The following SMAD2 variants were observed in gnomAD, a reference collection of about 807,000 sequenced individuals.
SMAD2 encodes the protein SMAD family member 2, also known as MAD homolog 2.
In SMAD2, 8 loss-of-function variants were observed where a neutral mutation model predicts 64.4. The ratio of observed to expected loss-of-function variants is 0.12; its 90% confidence interval spans 0.07 to 0.22. The LOEUF (loss-of-function observed/expected upper bound fraction) is 0.22. Ranked by LOEUF, SMAD2 falls within the 10% of genes least tolerant of loss-of-function variation. SMAD2 has a pLI of 1.00. For synonymous variants in SMAD2, 203 were observed against 195.8 expected, an observed-to-expected ratio of 1.04 and a Z score of -0.31; for missense variants, 289 against 561.2, an observed-to-expected ratio of 0.51 and a Z score of 4.90.
At chr18:47,846,399 C>G (rs1443379760) in intron 8 of SMAD2, among the ~76,000 whole-genome samples, 1 of 151,976 alleles carries the variant, frequency 6.6e-6, no homozygotes, top group Non-Finnish European at 1.5e-5. Flanking sequence ...TTGTGAGAAG[C>G]AGAGTTCTAA....
At chr18:47,912,243 G>A (rs796779400) in intron 1 of SMAD2, 7 of 152,300 alleles carry the variant, frequency 4.6e-5, no homozygotes, top group African/African-American at 1.7e-4. Context: ...TTAAAGAGCT[G>A]AAGACAGAAA....
chr18:47,923,947 CCTGT>C (rs999994140), intron 1 of SMAD2, among the ~76,000 whole-genome samples: 4 of 152,040 alleles, frequency 2.6e-5, no homozygotes, highest in African/African-American at 9.7e-5. Flanking sequence ...AACCTAACTA[CCTGT>C]CTATTAAGAA....
intron 2 of SMAD2, among the ~76,000 whole-genome samples, chr18:47,892,208 T>G (rs56373724): frequency 2.4e-5 from 2 of 83,314 alleles, no homozygotes; most frequent in Non-Finnish European, 5.6e-5. Context: ...ATTTTTTTTT[T>G]TTTTTTTTTT....
At position 47,840,460 on chromosome 18, in the gene SMAD2, C is replaced by G. The variant is rs1913835986; in HGVS notation, c.*1367G>C. The G allele has an allele frequency of 4.3e-6, 1 of 232,714 alleles. No individual in the cohort carries two copies. 14.4% of individuals were successfully genotyped at this position (232,714 alleles called of 1,614,324 possible). A position where few individuals can be genotyped will look rare whatever the true frequency, so the allele number is the denominator to read the frequency against. On this transcript the variant is annotated 3_prime_UTR_variant, in exon 11 of 11. Coordinates refer to ENST00000262160, the MANE Select transcript of SMAD2 (RefSeq NM_005901.6). ...ATATTGTCAATCACAAAACCAGGAT[C>G]AGTTAAGAACAGCTCAGACTGCAGG...
At chr18:47,860,097 G>A (rs765751813) in intron 6 of SMAD2, among the ~76,000 whole-genome samples, 2 of 152,040 alleles carry the variant, frequency 1.3e-5, no homozygotes, top group African/African-American at 4.8e-5. Context: ...CCAGGCCACT[G>A]CACTCCAGCC....
rs993538859 is a variant in SMAD2 at position 47,809,910 on chromosome 18, C to T, written c.*31917G>A. 5 of 152,182 alleles carry T rather than the reference C, an allele frequency of 3.3e-5. No individual in the cohort carries two copies. The highest frequency in any genetic ancestry group is 1.3e-4 in the Admixed American group (2 of 15,290). 9.4% of individuals were successfully genotyped at this position (152,182 alleles called of 1,614,324 possible). A position where few individuals can be genotyped will look rare whatever the true frequency, so the allele number is the denominator to read the frequency against. The stretch of plus-strand genomic sequence containing the variant: ...AGAGTGGGGTGGACTCACTGAGAAA[C>T]CTTTTAAAGAGAAGATGCAGTATCA... On this transcript the variant is annotated 3_prime_UTR_variant, in exon 11 of 11. Coordinates refer to ENST00000262160, the MANE Select transcript of SMAD2 (RefSeq NM_005901.6).
intron 7 of SMAD2, among the ~76,000 whole-genome samples, chr18:47,850,384 A>T (rs867506944): frequency 4.5e-5 from 1 of 22,176 alleles, no homozygotes; most frequent in Admixed American, 1.2e-3. Flanking sequence ...TATATATATT[A>T]TATAATATAT....
intron 2 of SMAD2, among the ~76,000 whole-genome samples, chr18:47,873,328 C>T (rs924582269): frequency 1.3e-4 from 19 of 151,738 alleles, no homozygotes; most frequent in Admixed American, 1.2e-3. Context: ...GTGCACTGAG[C>T]AAAAAAGAAA....
chr18:47,862,392 G>A (rs1357250710), intron 6 of SMAD2, among the ~76,000 whole-genome samples: 1 of 152,200 alleles, frequency 6.6e-6, no homozygotes, highest in African/African-American at 2.4e-5. Flanking sequence ...TGTCAGCAAA[G>A]CCATGCTCTC....
chr18:47,835,228 A>G lies in SMAD2; in HGVS notation c.*6599T>C, dbSNP rs1913304750. On this transcript the variant is annotated 3_prime_UTR_variant, in exon 11 of 11. Coordinates refer to ENST00000262160, the MANE Select transcript of SMAD2 (RefSeq NM_005901.6). Reference sequence around the variant, plus strand: ...GTGTGAGGTTACACTGGTCTAAGAAAGTACCAATTTGGGTTCTATATTTTG... The same window carrying G: ...GTGTGAGGTTACACTGGTCTAAGAAGGTACCAATTTGGGTTCTATATTTTG... 4.6e-6 allele frequency: 1 copy of G among 219,556 alleles called. No homozygotes were observed. The highest frequency in any genetic ancestry group is 9.1e-6 in the Non-Finnish European group (1 of 109,448). 13.6% of individuals were successfully genotyped at this position (219,556 alleles called of 1,614,324 possible). A position where few individuals can be genotyped will look rare whatever the true frequency, so the allele number is the denominator to read the frequency against.
intron 2 of SMAD2, among the ~76,000 whole-genome samples, chr18:47,894,606 C>T (rs983923949): frequency 1.3e-5 from 2 of 152,164 alleles, no homozygotes; most frequent in African/African-American, 2.4e-5. Context: ...TCCTTTACCC[C>T]GCTCAACTCA....
intron 2 of SMAD2, among the ~76,000 whole-genome samples, chr18:47,885,741 C>T (rs1161031622): frequency 6.6e-6 from 1 of 152,090 alleles, no homozygotes; most frequent in African/African-American, 2.4e-5. Context: ...GCAGGCAGAT[C>T]GCTTGAGCCC....
intron 1 of SMAD2, among the ~76,000 whole-genome samples, chr18:47,908,276 G>C (rs767796270): frequency 2.0e-5 from 3 of 152,186 alleles, no homozygotes; most frequent in Non-Finnish European, 2.9e-5. Flanking sequence ...CCAAATGACA[G>C]CCATCACAAA....
chr18:47,894,518 C>T (rs920175643), intron 2 of SMAD2, among the ~76,000 whole-genome samples: 11 of 152,102 alleles, frequency 7.2e-5, no homozygotes, highest in Admixed American at 2.0e-4. Flanking sequence ...TTGTTTGGAA[C>T]GCTTCACCAA....
chr18:47,875,968 T>A (rs1179953818), intron 2 of SMAD2, among the ~76,000 whole-genome samples: 1 of 152,060 alleles, frequency 6.6e-6, no homozygotes, highest in African/African-American at 2.4e-5. Context: ...TATGTTTCTA[T>A]ACATTTAAAT....
chr18:47,873,930 GA>G (rs1251674433), intron 2 of SMAD2, among the ~76,000 whole-genome samples: 1 of 152,078 alleles, frequency 6.6e-6, no homozygotes, highest in African/African-American at 2.4e-5. Context: ...GGCTGCCAGA[GA>G]GTTTGAAAAA....
chr18:47,857,270 C>A (rs370496986), intron 6 of SMAD2, among the ~76,000 whole-genome samples: 1 of 151,646 alleles, frequency 6.6e-6, no homozygotes, highest in Admixed American at 6.6e-5. Context: ...CAAAGTGATA[C>A]AACATTATAA....
intron 1 of SMAD2, among the ~76,000 whole-genome samples, chr18:47,928,989 TTAAAAA>T (rs1305453312): frequency 1.3e-5 from 2 of 152,254 alleles, no homozygotes; most frequent in Non-Finnish European, 2.9e-5. Context: ...CTAAGGAACT[TTAAAAA>T]TAAAAGTATT....
Position 47,825,089 on chromosome 18 carries a change from T to C in SMAD2, c.*16738A>G, listed in dbSNP as rs1027931162. On this transcript the variant is annotated 3_prime_UTR_variant, in exon 11 of 11. Transcript: ENST00000262160. ...GCTGCCAGTAAAAGACCACAAAATA[T>C]TTTTGTGTATTTACAGGAACGTGAT... 3 of 152,226 alleles carry C rather than the reference T, an allele frequency of 2.0e-5. No homozygotes were observed. In the East Asian group the frequency reaches 5.8e-4, roughly 29 times the overall value. 9.4% of individuals were successfully genotyped at this position (152,226 alleles called of 1,614,324 possible). A position where few individuals can be genotyped will look rare whatever the true frequency, so the allele number is the denominator to read the frequency against.
Sources: gnomAD v4.1 joint callset for allele counts (sites outside exome capture counted in the v4.1 genomes callset) on GRCh38, gnomAD v4.1.1 for gene constraint, MANE v1.5 for transcripts, NCBI Gene and HGNC (gene_info 2026-07-23, HGNC 2026-07-21) for gene names.